CHD2: variants seen among roughly 807,000 people sequenced by gnomAD.
The protein encoded by CHD2 is ATP-dependent chromatin remodeler CHD2.
A neutral mutation model predicts 243.9 loss-of-function variants in CHD2; 28 were observed. That is an observed-to-expected ratio of 0.11 (90% CI 0.09 to 0.16). The LOEUF (loss-of-function observed/expected upper bound fraction) is 0.16, where lower values mean the gene tolerates loss of function less well. Among genes scored for constraint, CHD2 ranks in the 10% least tolerant of loss-of-function variants. The probability of loss-of-function intolerance (pLI) is 1.00; values close to 1 mark genes in which losing one functional copy is unlikely to be tolerated. For synonymous variants in CHD2, 775 were observed against 779.0 expected (o/e 0.99, Z 0.09); for missense variants, 1,386 against 2,209.8 (o/e 0.63, Z 7.47).
intron 2 of CHD2, among the ~76,000 whole-genome samples, chr15:92,906,556 ACTC>A (rs2052624501): frequency 6.6e-6 from 1 of 151,172 alleles, no homozygotes; most frequent in Non-Finnish European, 1.5e-5. Context: ...GTATTTCCAA[ACTC>A]CTATCATTTC....
intron 26 of CHD2, among the ~76,000 whole-genome samples, chr15:92,988,309 TTCTGACCTCAGGTGATCGG>T (rs1331603333): frequency 6.6e-6 from 1 of 152,158 alleles, no homozygotes; most frequent in Non-Finnish European, 1.5e-5. Flanking sequence ...GGTCTTGAAC[TTCTGACCTCAGGTGATCGG>T]TGTGCCTCGG....
At chr15:92,966,910 A>AG (rs1161523889) in intron 16 of CHD2, among the ~76,000 whole-genome samples, 1 of 10,162 alleles carries the variant, frequency 9.8e-5, no homozygotes, top group Non-Finnish European at 5.3e-4. Context: ...ACTCTGTCTC[A>AG]AAAAAAAAAA....
At chr15:93,007,803 C>G (rs2054340290) in intron 34 of CHD2, among the ~76,000 whole-genome samples, 1 of 152,216 alleles carries the variant, frequency 6.6e-6, no homozygotes, top group Non-Finnish European at 1.5e-5. Context: ...TTCATTTCTG[C>G]TTTTTACTCT....
intron 34 of CHD2, among the ~76,000 whole-genome samples, chr15:93,008,374 A>G (rs1174506540): frequency 1.3e-5 from 2 of 152,028 alleles, no homozygotes; most frequent in African/African-American, 4.8e-5. Flanking sequence ...GGAGTTAGAG[A>G]TCTGGGTATC....
At chr15:92,968,085 G>T (rs2141831516) in intron 17 of CHD2, among the ~76,000 whole-genome samples, 1 of 151,918 alleles carries the variant, frequency 6.6e-6, no homozygotes, top group East Asian at 2.0e-4. Flanking sequence ...CATGCATTTT[G>T]ATTGGTTGGT....
In CHD2 at chr15:92,904,470, C is replaced by G. The variant is rs559497900; in HGVS notation, c.62+3171C>G. ...TGTCGGGCGCTTTCTCCTCCCCCTA[C>G]CCAGGGAGCCGCACGCCGAGGGGAA... is the stretch of plus-strand genomic sequence containing the variant. On this transcript the variant is annotated intron_variant, in intron 2 of 38. Coordinates refer to ENST00000394196, the MANE Select transcript of CHD2 (RefSeq NM_001271.4). The G allele has an allele frequency of 1.3e-4, 127 of 989,658 alleles. 3 individuals carry two copies. In the South Asian group the frequency reaches 5.2e-3, roughly 41 times the overall value. 61.3% of individuals were successfully genotyped at this position (989,658 alleles called of 1,614,324 possible).
At chr15:93,009,618 G>T (rs951375389) in intron 35 of CHD2, among the ~76,000 whole-genome samples, 1 of 152,062 alleles carries the variant, frequency 6.6e-6, no homozygotes, top group Non-Finnish European at 1.5e-5. Flanking sequence ...GCCTACAAGG[G>T]GCAAAAATCA....
At position 93,014,448 on chromosome 15, in the gene CHD2, A is replaced by G. The variant is rs16947333; in HGVS notation, c.4693-248A>G. Among the ~76,000 whole-genome samples, 757 of 152,338 alleles carry G rather than the reference A, an allele frequency of 5.0e-3. 9 individuals are homozygous for G. The highest frequency in any genetic ancestry group is 0.017 in the African/African-American group (709 of 41,578). ...CATACCCTGTACAGTGACATCTAGC[A>G]GTCTATGCATGTGTTCTTGCAGGTA... On this transcript the variant is annotated intron_variant, in intron 36 of 38. Coordinates refer to ENST00000394196, the MANE Select transcript of CHD2 (RefSeq NM_001271.4).
At chr15:92,987,506 C>G (rs1214529702) in intron 26 of CHD2, among the ~76,000 whole-genome samples, 4 of 151,702 alleles carry the variant, frequency 2.6e-5, no homozygotes, top group Admixed American at 2.6e-4. Flanking sequence ...GAGGCTGAGG[C>G]TGAGGCACGA....
intron 17 of CHD2, among the ~76,000 whole-genome samples, chr15:92,969,906 T>C (rs2053818853): frequency 6.6e-6 from 1 of 151,788 alleles, no homozygotes. Flanking sequence ...GATTTTCTTT[T>C]TACAGGTTTT....
At chr15:92,960,621 CTTG>C (rs1352163394) in intron 16 of CHD2, among the ~76,000 whole-genome samples, 2 of 145,630 alleles carry the variant, frequency 1.4e-5, no homozygotes, top group Non-Finnish European at 3.0e-5. Context: ...ATAAATCTGA[CTTG>C]TTAACAGTGT....
intron 18 of CHD2, 146 bp from the exon 19 acceptor site, chr15:92,972,119 G>T: frequency 9.7e-7 from 1 of 1,030,206 alleles, no homozygotes; most frequent in South Asian, 1.7e-5. Context: ...CTGGGAAAAA[G>T]AACATTTCGG....
intron 2 of CHD2, chr15:92,904,426 A>T (rs915251599): frequency 4.1e-6 from 4 of 985,678 alleles, no homozygotes; most frequent in South Asian, 9.3e-5. Context: ...GAACGCAGTG[A>T]CGTCTGGCCG....
intron 3 of CHD2, among the ~76,000 whole-genome samples, chr15:92,925,861 A>G (rs2053050427): frequency 6.6e-6 from 1 of 152,192 alleles, no homozygotes. Context: ...ATTCTGGGCC[A>G]TCTTTTCTTT....
At chr15:92,932,646 T>C (rs921778001) in intron 5 of CHD2, among the ~76,000 whole-genome samples, 1 of 152,194 alleles carries the variant, frequency 6.6e-6, no homozygotes, top group Admixed American at 6.5e-5. Flanking sequence ...GGGAGCACTT[T>C]CACAGCCTTC....
chr15:92,943,161 A>G, intron 9 of CHD2, 93 bp downstream of exon 9: 1 of 1,005,682 alleles, frequency 9.9e-7, no homozygotes, highest in Admixed American at 2.4e-5. Flanking sequence ...GCTATCTAGA[A>G]TCTCAGATTT....
chr15:92,943,051 G>A lies in CHD2; in HGVS notation c.1035G>A (p.Glu345=). 6.2e-7 allele frequency: 1 copy of A among 1,612,724 alleles called. No individual in the cohort carries two copies. The highest frequency in any genetic ancestry group is 8.5e-7 in the Non-Finnish European group (1 of 1,178,958). Residue 345 remains glutamate (E), a synonymous_variant, in exon 9 of 39, where the codon GAG becomes GAA. Transcript: ENST00000394196. ...LKKLENFKKK[E]DEIKQWLGKV... ...AACTAGAGAACTTCAAGAAAAAAGAGGACGAAATCAAACAATGGTATATTT... is the reference window on the plus strand; with the variant it reads ...AACTAGAGAACTTCAAGAAAAAAGAAGACGAAATCAAACAATGGTATATTT...
chr15:92,982,117 A>T (rs2053987542), intron 24 of CHD2, among the ~76,000 whole-genome samples: 1 of 152,092 alleles, frequency 6.6e-6, no homozygotes, highest in African/African-American at 2.4e-5. Context: ...GTATAGGGAG[A>T]TATTGAAGGT....
At chr15:92,905,091 A>G (rs1490154937) in intron 2 of CHD2, 4 of 1,233,454 alleles carry the variant, frequency 3.2e-6, no homozygotes, top group Middle Eastern at 2.1e-4. Flanking sequence ...GTTCAATAAC[A>G]TTAAAAAGTG....
Sources: allele counts gnomAD v4.1 joint callset (sites outside exome capture counted in the v4.1 genomes callset), GRCh38; gene constraint gnomAD v4.1.1; transcripts MANE v1.5; gene names NCBI Gene and HGNC (gene_info 2026-07-23, HGNC 2026-07-21).